SKP2: variants seen among roughly 807,000 people sequenced by gnomAD.
SKP2 encodes the protein S-phase kinase-associated protein 2.
SKP2 carries 16 observed loss-of-function variants against 51.8 expected under a neutral mutation model. The observed-to-expected ratio is 0.31, with a 90% CI of 0.21 to 0.47. The LOEUF is 0.47. Among genes scored for constraint, SKP2 ranks in the 20% least tolerant of loss-of-function variants. The probability of loss-of-function intolerance (pLI) is 1.00; values close to 1 mark genes in which losing one functional copy is unlikely to be tolerated. For missense variants in SKP2, 377 were observed against 505.3 expected (o/e 0.75, Z 2.43); for synonymous variants, 176 against 198.6 (o/e 0.89, Z 0.96).
chr5:36,177,510 C>A (rs1431389721), intron 9 of SKP2: 2 of 615,102 alleles, frequency 3.3e-6, no homozygotes, highest in Non-Finnish European at 6.0e-6. Context: ...TAGCTGTAAG[C>A]AGTTTTAATT....
At chr5:36,187,032 G>C (rs1233574370), downstream of SKP2, among the ~76,000 whole-genome samples, 3 of 152,200 alleles carry the variant, frequency 2.0e-5, no homozygotes, top group African/African-American at 7.2e-5. Context: ...TATTTGCGTA[G>C]AGGTGTTTAT....
intron 6 of SKP2, among the ~76,000 whole-genome samples, chr5:36,189,368 A>G (rs373477786): frequency 1.3e-5 from 2 of 151,850 alleles, no homozygotes; most frequent in Non-Finnish European, 2.9e-5. Flanking sequence ...TCTACCTTTG[A>G]TCTTTGATGA....
chr5:36,155,442 A>G (rs546401506), intron 2 of SKP2, among the ~76,000 whole-genome samples: 181 of 152,302 alleles, frequency 1.2e-3, no homozygotes, highest in African/African-American at 4.2e-3. Flanking sequence ...TGTGAAATGG[A>G]GTGCTGTAAT....
intron 2 of SKP2, among the ~76,000 whole-genome samples, chr5:36,158,877 T>C (rs909187614): frequency 6.6e-6 from 1 of 152,190 alleles, no homozygotes. Context: ...ATAGAGGACA[T>C]TCCCTTCTGC....
intron 5 of SKP2, among the ~76,000 whole-genome samples, chr5:36,169,793 G>A (rs929950532): frequency 1.1e-4 from 17 of 152,226 alleles, no homozygotes; most frequent in Non-Finnish European, 2.5e-4. Context: ...CAGGGAGACT[G>A]AGTAAGTCTT....
At chr5:36,180,804 T>C (rs1745784450) in intron 9 of SKP2, among the ~76,000 whole-genome samples, 1 of 152,180 alleles carries the variant, frequency 6.6e-6, no homozygotes, top group African/African-American at 2.4e-5. Flanking sequence ...TTATTGACAA[T>C]GTGAAAATAT....
At chr5:36,156,364 C>G (rs1303501884) in intron 2 of SKP2, among the ~76,000 whole-genome samples, 1 of 152,204 alleles carries the variant, frequency 6.6e-6, no homozygotes. Context: ...CAGGCCACAC[C>G]TGCTGTACAT....
At chr5:36,166,277 A>G (rs982766081) in intron 3 of SKP2, among the ~76,000 whole-genome samples, 2 of 152,248 alleles carry the variant, frequency 1.3e-5, no homozygotes, top group African/African-American at 4.8e-5. Flanking sequence ...ACATTGAACC[A>G]TCTAAATTGG....
chr5:36,191,642 A>C (rs1329365254), intron 6 of SKP2, among the ~76,000 whole-genome samples: 1 of 152,110 alleles, frequency 6.6e-6, no homozygotes, highest in African/African-American at 2.4e-5. Flanking sequence ...TTTATTGACC[A>C]TCCACAATGT....
chr5:36,163,682 G>A lies in SKP2; in HGVS notation c.318G>A (p.Leu106=), dbSNP rs1267588428. ...ACTCCCTTCCGGATGAGCTGCTCTT[G>A]GGAATCTTTTCCTGTCTGTGCCTCC... ...SWDSLPDELL[L]GIFSCLCLPE... The change falls in exon 3 of 10, where the codon TTG becomes TTA. Residue 106 remains leucine, a synonymous_variant. Transcript: ENST00000274255. 1 of 1,613,960 alleles carries A rather than the reference G, an allele frequency of 6.2e-7. No individual in the cohort carries two copies. The highest frequency in any genetic ancestry group is 8.5e-7 in the Non-Finnish European group (1 of 1,179,880).
chr5:36,160,810 T>C (rs899748194), intron 2 of SKP2, among the ~76,000 whole-genome samples: 4 of 152,150 alleles, frequency 2.6e-5, no homozygotes, highest in Non-Finnish European at 5.9e-5. Flanking sequence ...TTTGTGGCAG[T>C]GATGGAACAG....
downstream of SKP2, chr5:36,184,435 T>TG (rs1745917945): frequency 6.6e-6 from 1 of 152,236 alleles, no homozygotes; most frequent in South Asian, 2.1e-4. Flanking sequence ...TGACACGTCC[T>TG]GGTGTGTGAT....
downstream of SKP2, among the ~76,000 whole-genome samples, chr5:36,185,209 T>C (rs140289180): frequency 5.4e-3 from 825 of 152,316 alleles, 13 homozygotes; most frequent in African/African-American, 0.019. Flanking sequence ...TAGTGTAGGT[T>C]GCCTGTTCAC....
chr5:36,163,541 T>C (rs2111968657), intron 2 of SKP2, 104 bp from the exon 3 acceptor site: 1 of 683,244 alleles, frequency 1.5e-6, no homozygotes, highest in Non-Finnish European at 2.6e-6. Flanking sequence ...GCTAAATTCC[T>C]CATTTAAGCT....
intron 4 of SKP2, among the ~76,000 whole-genome samples, chr5:36,167,724 A>G (rs946613989): frequency 6.6e-6 from 1 of 152,020 alleles, no homozygotes; most frequent in Non-Finnish European, 1.5e-5. Flanking sequence ...AGGTTCAAGC[A>G]ATTCTGCCTC....
rs1209869300 is a variant in SKP2 at position 36,184,033 on chromosome 5, G to A, written c.*2002G>A. ...ATAAAACACATTTTTATAAAAATGA[G>A]TGCTTAAACTAAGTTGTATTCCTTT... is the stretch of plus-strand genomic sequence containing the variant. On this transcript the variant is annotated 3_prime_UTR_variant, in exon 10 of 10. Coordinates refer to ENST00000274255, the MANE Select transcript of SKP2 (RefSeq NM_005983.4). 1.4e-5 allele frequency: 15 copies of A among 1,101,524 alleles called. No individual in the cohort carries two copies. Among genetic ancestry groups the A allele is most frequent in the Non-Finnish European group, 2.0e-5 (15 of 744,200 alleles). The allele number at this position is 1,101,524 out of a possible 1,614,324, so 68.2% of individuals were successfully genotyped here. A position where few individuals can be genotyped will look rare whatever the true frequency, so the allele number is the denominator to read the frequency against.
intron 5 of SKP2, among the ~76,000 whole-genome samples, chr5:36,169,123 A>C (rs1745386242): frequency 6.6e-6 from 1 of 152,202 alleles, no homozygotes; most frequent in African/African-American, 2.4e-5. Flanking sequence ...CCTTGCTGTA[A>C]GAAGAATGGA....
At chr5:36,167,681 C>T (rs571006145) in intron 4 of SKP2, among the ~76,000 whole-genome samples, 1 of 151,948 alleles carries the variant, frequency 6.6e-6, no homozygotes, top group Non-Finnish European at 1.5e-5. Context: ...AGTGCAGTGG[C>T]GTGATCTCGG....
downstream of SKP2, among the ~76,000 whole-genome samples, chr5:36,185,458 G>A (rs1232339255): frequency 1.3e-5 from 2 of 152,262 alleles, no homozygotes; most frequent in Middle Eastern, 3.4e-3. Context: ...TCCAGTTTCA[G>A]CTTTCTACAT....
Sources: allele counts gnomAD v4.1 joint callset (sites outside exome capture counted in the v4.1 genomes callset), GRCh38; gene constraint gnomAD v4.1.1; transcripts MANE v1.5; gene names NCBI Gene and HGNC (gene_info 2026-07-23, HGNC 2026-07-21).